ELAVL2: variants seen among roughly 807,000 people sequenced by gnomAD.
ELAVL2 encodes the protein ELAV like RNA binding protein 2.
In ELAVL2, 4 loss-of-function variants were observed where a neutral mutation model predicts 34.6. That is an observed-to-expected ratio of 0.12 (90% CI 0.06 to 0.26). The LOEUF is 0.26. Ranked by LOEUF, ELAVL2 falls within the 10% of genes least tolerant of loss-of-function variation. ELAVL2 has a pLI of 1.00. For synonymous variants in ELAVL2, 193 were observed against 154.8 expected, an observed-to-expected ratio of 1.25 and a Z score of -1.83; for missense variants, 432 against 442.8, an observed-to-expected ratio of 0.98 and a Z score of 0.22.
intron 1 of ELAVL2, among the ~76,000 whole-genome samples, chr9:23,766,867 T>C (rs2056378465): frequency 6.6e-6 from 1 of 152,086 alleles, no homozygotes; most frequent in Non-Finnish European, 1.5e-5. Flanking sequence ...GTACTATTTA[T>C]AGATTCCACT....
chr9:23,811,244 G>A (rs1416873499), intron 1 of ELAVL2, among the ~76,000 whole-genome samples: 3 of 151,476 alleles, frequency 2.0e-5, no homozygotes, highest in South Asian at 2.1e-4. Flanking sequence ...ATTATTCCCC[G>A]AACAGCCAGT....
At chr9:23,849,195 A>C in the ELAVL2 span, among the ~76,000 whole-genome samples, 2 of 152,188 alleles carry the variant, frequency 1.3e-5, no homozygotes, top group African/African-American at 4.8e-5. Flanking sequence ...GGGATTAGGA[A>C]AGGATGCTGA....
rs569083716 is a variant in ELAVL2, at chr9:23,803,754, G to A, written c.-16+22052C>T. Among the ~76,000 whole-genome samples, 10 of 152,226 alleles carry A rather than the reference G, an allele frequency of 6.6e-5. 1 individual carries two copies. In the South Asian group the frequency reaches 1.9e-3, roughly 28 times the overall value. On this transcript the variant is annotated intron_variant, in intron 1 of 6. Transcript: ENST00000397312. The stretch of plus-strand genomic sequence containing the variant: ...CCTGGGGGGTTGCGGGTGGGGTGGG[G>A]GGACAAGTCCCCCTATCTGTATAAA...
rs2033579385 is a variant in ELAVL2 at position 23,692,701 on chromosome 9, G to A, written c.936C>T (p.Asn312=). 3 of 1,614,090 alleles carry A rather than the reference G, an allele frequency of 1.9e-6. No individual in the cohort carries two copies. The highest frequency in any genetic ancestry group is 2.5e-6 in the Non-Finnish European group (3 of 1,180,030). The change falls in exon 7 of 7, where the codon AAC becomes AAT. Residue 312 remains asparagine (N), a synonymous_variant. Transcript: ENST00000397312. ...ATCCAAAACCTTTGCATTTATTGGT[G>A]TTAAAGTCACGGATGACCTTCACAT... The part of the protein sequence containing the change: ...VTNVKVIRDF[N]TNKCKGFGFV...
At chr9:23,815,949 C>G (rs2063644726) in intron 1 of ELAVL2, among the ~76,000 whole-genome samples, 1 of 152,136 alleles carries the variant, frequency 6.6e-6, no homozygotes, top group Admixed American at 6.6e-5. Flanking sequence ...GCCCACATCA[C>G]TAACTCAACA....
chr9:23,806,039 C>A (rs945191512), intron 1 of ELAVL2, among the ~76,000 whole-genome samples: 3 of 152,002 alleles, frequency 2.0e-5, no homozygotes, highest in African/African-American at 7.3e-5. Context: ...TAATTATTCA[C>A]AGGTATGGAT....
At chr9:23,777,169 T>C (rs2058342529) in intron 1 of ELAVL2, among the ~76,000 whole-genome samples, 1 of 152,180 alleles carries the variant, frequency 6.6e-6, no homozygotes, top group African/African-American at 2.4e-5. Flanking sequence ...GGCAATATAG[T>C]CTACAGCAGT....
At chr9:23,702,738 G>A (rs535564480) in intron 4 of ELAVL2, among the ~76,000 whole-genome samples, 26 of 151,806 alleles carry the variant, frequency 1.7e-4, no homozygotes, top group Non-Finnish European at 3.4e-4. Flanking sequence ...TAAAGAGCAT[G>A]CATTGCACAT....
At chr9:23,729,502 A>G (rs938069600) in intron 3 of ELAVL2, among the ~76,000 whole-genome samples, 8 of 152,186 alleles carry the variant, frequency 5.3e-5, no homozygotes, top group Non-Finnish European at 7.3e-5. Context: ...AGAAATATAG[A>G]TAACGAGAAA....
At chr9:23,732,062 G>C (rs1251712895) in intron 2 of ELAVL2, among the ~76,000 whole-genome samples, 1 of 152,154 alleles carries the variant, frequency 6.6e-6, no homozygotes, top group Non-Finnish European at 1.5e-5. Context: ...ACATTATACA[G>C]GTGACAAAAA....
chr9:23,709,628 A>T (rs1234554705), intron 3 of ELAVL2, among the ~76,000 whole-genome samples: 2 of 152,214 alleles, frequency 1.3e-5, no homozygotes, highest in East Asian at 1.9e-4. Flanking sequence ...AAATGCTTCA[A>T]AACAATGGAC....
intron 3 of ELAVL2, among the ~76,000 whole-genome samples, chr9:23,705,590 G>A (rs902472452): frequency 1.3e-5 from 2 of 152,232 alleles, no homozygotes; most frequent in Non-Finnish European, 2.9e-5. Context: ...TTTGGTACCA[G>A]GGACTGGTTT....
intron 1 of ELAVL2, among the ~76,000 whole-genome samples, chr9:23,807,212 G>A (rs1448285845): frequency 2.0e-5 from 3 of 152,090 alleles, no homozygotes; most frequent in Non-Finnish European, 2.9e-5. Flanking sequence ...CTAATAAGGT[G>A]GTCAGAAAGA....
chr9:23,779,423 C>G (rs2058730164), intron 1 of ELAVL2: 2 of 985,318 alleles, frequency 2.0e-6, no homozygotes, highest in Middle Eastern at 5.2e-4. Context: ...AATGGAAGAT[C>G]TGGGAGGTGG....
chr9:23,704,439 A>T (rs1251329278), intron 4 of ELAVL2, among the ~76,000 whole-genome samples: 1 of 152,152 alleles, frequency 6.6e-6, no homozygotes, highest in Non-Finnish European at 1.5e-5. Context: ...TCAAAATTTC[A>T]AACTCTTACA....
chr9:23,722,407 AT>A (rs1280302694), intron 3 of ELAVL2, among the ~76,000 whole-genome samples: 1 of 152,214 alleles, frequency 6.6e-6, no homozygotes, highest in Non-Finnish European at 1.5e-5. Context: ...TCTGCTAAGT[AT>A]GACCTCCAGA....
At position 23,801,136 on chromosome 9, in the gene ELAVL2, C is replaced by A. The variant is rs554322904; in HGVS notation, c.-16+24670G>T. ...CACAGAAGCCCTCCAGACTATTTCTCAAAACTTTCTGTTTGGAAGTAGGTA... is the reference window on the plus strand; with the variant it reads ...CACAGAAGCCCTCCAGACTATTTCTAAAAACTTTCTGTTTGGAAGTAGGTA... On this transcript the variant is annotated intron_variant, in intron 1 of 6. Coordinates refer to ENST00000397312, the MANE Select transcript of ELAVL2 (RefSeq NM_004432.5). 1.4e-3 allele frequency among the ~76,000 whole-genome samples: 213 copies of A among 152,268 alleles called. 2 individuals are homozygous for A. The highest frequency in any genetic ancestry group is 0.01 in the Middle Eastern group (3 of 294).
intron 1 of ELAVL2, among the ~76,000 whole-genome samples, chr9:23,773,613 G>A (rs1363291790): frequency 6.6e-6 from 1 of 152,098 alleles, no homozygotes; most frequent in Non-Finnish European, 1.5e-5. Context: ...GTGTTGATGA[G>A]AAACATCTAT....
intron 1 of ELAVL2, among the ~76,000 whole-genome samples, chr9:23,774,981 T>C (rs1000187090): frequency 1.3e-5 from 2 of 152,148 alleles, no homozygotes; most frequent in Non-Finnish European, 2.9e-5. Flanking sequence ...CACTCTCCTA[T>C]CATCTTTCTC....
Sources: allele counts gnomAD v4.1 joint callset (sites outside exome capture counted in the v4.1 genomes callset), GRCh38; gene constraint gnomAD v4.1.1; transcripts MANE v1.5; gene names NCBI Gene and HGNC (gene_info 2026-07-23, HGNC 2026-07-21).